Variants in IL1RAPL1 observed in about 807,000 individuals in gnomAD.
The protein encoded by IL1RAPL1 is interleukin 1 receptor accessory protein like 1.
Under a neutral mutation model 48.4 loss-of-function variants are expected in IL1RAPL1, and 3 were observed. The ratio of observed to expected loss-of-function variants is 0.06; its 90% CI spans 0.03 to 0.16. The LOEUF is 0.16. IL1RAPL1 is among the 10% of genes least tolerant of loss of function. The pLI is 1.00. For synonymous variants in IL1RAPL1, 185 were observed against 187.7 expected, an observed-to-expected ratio of 0.99 and a Z score of 0.12; for missense variants, 349 against 530.6, an observed-to-expected ratio of 0.66 and a Z score of 3.36.
intron 6 of IL1RAPL1, among the ~76,000 whole-genome samples, chrX:29,892,973 A>G (rs147575560): frequency 0.01 from 1,167 of 112,116 alleles, 10 homozygotes; most frequent in African/African-American, 0.036. Context: ...AACAGTCATT[A>G]TGGTGACTCT....
At chrX:29,052,348 A>G (rs997929803) in intron 2 of IL1RAPL1, among the ~76,000 whole-genome samples, 10 of 111,174 alleles carry the variant, frequency 9.0e-5, no homozygotes, top group African/African-American at 2.9e-4. Flanking sequence ...TTACCTCCAC[A>G]GTATGTCCAG....
intron 2 of IL1RAPL1, among the ~76,000 whole-genome samples, chrX:28,853,493 G>GCGCGCACA (rs1210583677): frequency 5.6e-5 from 6 of 107,091 alleles, no homozygotes; most frequent in African/African-American, 2.0e-4. Context: ...GTGTGCGCGC[G>GCGCGCACA]CACACACACA....
intron 2 of IL1RAPL1, among the ~76,000 whole-genome samples, chrX:29,002,476 A>G (rs764036405): frequency 9.1e-6 from 1 of 109,488 alleles, no homozygotes; most frequent in African/African-American, 3.3e-5. Context: ...AGGCCTGTTC[A>G]TGTTGTGATA....
chrX:29,920,530 C>T (rs1391465368), intron 8 of IL1RAPL1, among the ~76,000 whole-genome samples: 1 of 110,232 alleles, frequency 9.1e-6, no homozygotes, highest in African/African-American at 3.3e-5. Flanking sequence ...TGCAGTGGCT[C>T]ACACCTGTAA....
chrX:29,879,831 G>A (rs1931990624), intron 6 of IL1RAPL1, among the ~76,000 whole-genome samples: 1 of 110,601 alleles, frequency 9.0e-6, no homozygotes, highest in South Asian at 3.8e-4. Context: ...TATATGGTGA[G>A]TGTTATATTA....
chrX:29,416,361 C>T (rs1934216026), intron 5 of IL1RAPL1, among the ~76,000 whole-genome samples: 1 of 111,296 alleles, frequency 9.0e-6, no homozygotes, highest in African/African-American at 3.3e-5. Context: ...CATGGTGACA[C>T]CTTGTTTCTA....
chrX:29,264,495 G>A (rs1461138186), intron 2 of IL1RAPL1, among the ~76,000 whole-genome samples: 1 of 111,221 alleles, frequency 9.0e-6, no homozygotes, highest in Non-Finnish European at 1.9e-5. Context: ...ATTATCAGAA[G>A]TGGAAGAAGG....
At chrX:29,690,932 T>C (rs1298551824) in intron 6 of IL1RAPL1, among the ~76,000 whole-genome samples, 1 of 111,866 alleles carries the variant, frequency 8.9e-6, no homozygotes, top group East Asian at 2.8e-4. Flanking sequence ...TATATATACA[T>C]GTTATTAAAA....
intron 3 of IL1RAPL1, among the ~76,000 whole-genome samples, chrX:29,304,792 C>T (rs1932592297): frequency 8.9e-6 from 1 of 112,412 alleles, no homozygotes; most frequent in Admixed American, 9.4e-5. Context: ...TTATTTGAGA[C>T]GAAGTTTCAC....
intron 2 of IL1RAPL1, among the ~76,000 whole-genome samples, chrX:28,865,813 G>A (rs1290531791): frequency 3.6e-5 from 4 of 112,155 alleles, no homozygotes; most frequent in Non-Finnish European, 7.5e-5. Context: ...GCCTCAAGAT[G>A]AAATGTGTGA....
chrX:28,737,201 CTTTCTCTTTCTTTCTTTCTT>C (rs1935847787), intron 1 of IL1RAPL1, among the ~76,000 whole-genome samples: 1 of 62,714 alleles, frequency 1.6e-5, no homozygotes, highest in African/African-American at 6.6e-5. Context: ...CTCTTTCTTT[CTTTCTCTTTCTTTCTTTCTT>C]TCTTTCTTTC....
At chrX:28,616,099 G>A (rs890307051) in intron 1 of IL1RAPL1, among the ~76,000 whole-genome samples, 8 of 112,558 alleles carry the variant, frequency 7.1e-5, no homozygotes, top group Non-Finnish European at 1.5e-4. Context: ...GGATTTGACA[G>A]ATTCACATAT....
chrX:29,570,827 C>T (rs1922568262), intron 5 of IL1RAPL1, among the ~76,000 whole-genome samples: 1 of 112,267 alleles, frequency 8.9e-6, no homozygotes, highest in Non-Finnish European at 1.9e-5. Context: ...AATCTTTATG[C>T]TTGAATTGCC....
intron 2 of IL1RAPL1, among the ~76,000 whole-genome samples, chrX:28,802,990 G>A (rs946779719): frequency 2.7e-5 from 3 of 110,899 alleles, no homozygotes; most frequent in Non-Finnish European, 3.8e-5. Context: ...TTTATAAAGA[G>A]TATATATATA....
intron 2 of IL1RAPL1, among the ~76,000 whole-genome samples, chrX:29,219,130 A>G (rs1471959619): frequency 1.8e-5 from 2 of 112,235 alleles, no homozygotes; most frequent in Non-Finnish European, 3.8e-5. Flanking sequence ...CAGAACATAC[A>G]TTATAAATAA....
chrX:28,948,693 T>C (rs966315383), intron 2 of IL1RAPL1, among the ~76,000 whole-genome samples: 4 of 111,241 alleles, frequency 3.6e-5, no homozygotes, highest in African/African-American at 1.3e-4. Flanking sequence ...ATTCAACACA[T>C]GTCTAAATGG....
intron 1 of IL1RAPL1, among the ~76,000 whole-genome samples, chrX:28,768,038 G>A (rs761853866): frequency 2.7e-5 from 3 of 111,190 alleles, no homozygotes; most frequent in Non-Finnish European, 5.7e-5. Context: ...GTATTTTTAC[G>A]TGTTGTATTT....
intron 2 of IL1RAPL1, among the ~76,000 whole-genome samples, chrX:28,963,370 A>G (rs1461957269): frequency 9.0e-6 from 1 of 111,221 alleles, no homozygotes; most frequent in Non-Finnish European, 1.9e-5. Context: ...TCTATTTTAC[A>G]TTATATATTC....
intron 1 of IL1RAPL1, among the ~76,000 whole-genome samples, chrX:28,621,992 AC>A (rs2146888924): frequency 9.1e-6 from 1 of 110,386 alleles, no homozygotes; most frequent in South Asian, 3.9e-4. Flanking sequence ...ATACTCCCTT[AC>A]CCCCTTCTTG....
Sources: allele counts gnomAD v4.1 joint callset (sites outside exome capture counted in the v4.1 genomes callset), GRCh38; gene constraint gnomAD v4.1.1; transcripts MANE v1.5; gene names NCBI Gene and HGNC (gene_info 2026-07-23, HGNC 2026-07-21).